The following EIF2S1 variants were observed in gnomAD, a reference collection of about 807,000 sequenced individuals.
EIF2S1 encodes the protein eukaryotic translation initiation factor 2 subunit 1.
A neutral mutation model predicts 33.5 loss-of-function variants in EIF2S1; 5 were observed. The observed-to-expected ratio is 0.15, with a 90% CI of 0.08 to 0.31. EIF2S1 has a LOEUF of 0.31. Among genes scored for constraint, EIF2S1 ranks in the 10% least tolerant of loss-of-function variants. EIF2S1 has a pLI of 1.00. For synonymous variants in EIF2S1, 99 were observed against 127.5 expected (o/e 0.78, Z 1.51); for missense variants, 191 against 384.6 (o/e 0.50, Z 4.21).
At position 67,371,810 on chromosome 14, in the gene EIF2S1, C is replaced by T. The variant is rs1378612983; in HGVS notation, c.242-2658C>T. On this transcript the variant is annotated intron_variant, in intron 2 of 7. Transcript: ENST00000256383. ...GCCATCATAACCCTGATAAGAAAAC[C>T]CAACAAAGACATGTTTTTGTAAAAA... is the stretch of plus-strand genomic sequence containing the variant. 3.3e-5 allele frequency among the ~76,000 whole-genome samples: 5 copies of T among 152,194 alleles called. No homozygotes were observed. In the East Asian group the frequency reaches 9.6e-4, roughly 29 times the overall value.
chr14:67,380,819 AT>A (rs1282114702), intron 5 of EIF2S1, 54 bp downstream of exon 5: 1 of 966,410 alleles, frequency 1.0e-6, no homozygotes, highest in Admixed American at 2.8e-5. Flanking sequence ...CAAAAAAGCT[AT>A]TAAATAATGA....
In EIF2S1 at chr14:67,383,519, C is replaced by T. The variant is rs2139823298; in HGVS notation, c.*79C>T. 1.3e-6 allele frequency: 2 copies of T among 1,573,054 alleles called. 1 individual carries two copies. The highest frequency in any genetic ancestry group is 1.7e-6 in the Non-Finnish European group (2 of 1,153,382). ...GTAAATCCTAGACTTGAAAGTTTTCCAGTATTGAAAACTTCAAAGCTGAAT... is the reference window on the plus strand; with the variant it reads ...GTAAATCCTAGACTTGAAAGTTTTCTAGTATTGAAAACTTCAAAGCTGAAT... On this transcript the variant is annotated 3_prime_UTR_variant, in exon 8 of 8. Transcript: ENST00000256383.
rs368858004 is a variant in EIF2S1, at chr14:67,381,413, T to C, written c.581-180T>C. On this transcript the variant is annotated intron_variant, in intron 5 of 7. Coordinates refer to ENST00000256383, the MANE Select transcript of EIF2S1 (RefSeq NM_004094.5). ...TTTAGATAAGTTGCAGTTATTGTTA[T>C]ATTCCATCTTTACCACACTCCTCCT... Among the ~76,000 whole-genome samples, 8 of 152,256 alleles carry C rather than the reference T, an allele frequency of 5.3e-5. No homozygotes were observed. The East Asian group carries it at 1.5e-3, about 29-fold the overall frequency.
Position 67,374,465 on chromosome 14 carries a change from C to T in EIF2S1, c.242-3C>T. 1.9e-6 allele frequency: 3 copies of T among 1,584,178 alleles called. No individual in the cohort carries two copies. The highest frequency in any genetic ancestry group is 1.7e-6 in the Non-Finnish European group (2 of 1,160,928). ...ATGATTTTTTCACAATTTTTTTGTA[C>T]AGGATATATTGATTTGTCAAAAAGA... On this transcript the variant is annotated splice_region_variant and splice_polypyrimidine_tract_variant and intron_variant, in intron 2 of 7. Transcript: ENST00000256383.
chr14:67,367,710 C>G (rs996350326), intron 2 of EIF2S1, among the ~76,000 whole-genome samples: 3 of 151,890 alleles, frequency 2.0e-5, no homozygotes, highest in African/African-American at 4.8e-5. Flanking sequence ...GGTGGTGCAC[C>G]CTGTAGTCCC....
Position 67,384,013 on chromosome 14 carries a change from A to G in EIF2S1, c.*573A>G, listed in dbSNP as rs2085904641. On this transcript the variant is annotated 3_prime_UTR_variant, in exon 8 of 8. Coordinates refer to ENST00000256383, the MANE Select transcript of EIF2S1 (RefSeq NM_004094.5). ...TCCTTTCAAAAGAAGAGTTTTAGAGAAAATAAATTTAACTTTAACCACAGT... is the reference window on the plus strand; with the variant it reads ...TCCTTTCAAAAGAAGAGTTTTAGAGGAAATAAATTTAACTTTAACCACAGT... 6.4e-6 allele frequency: 1 copy of G among 157,378 alleles called. No individual in the cohort carries two copies. The highest frequency in any genetic ancestry group is 1.4e-5 in the Non-Finnish European group (1 of 71,100). The allele number at this position is 157,378 out of a possible 1,614,324, so 9.7% of individuals were successfully genotyped here. A position where few individuals can be genotyped will look rare whatever the true frequency, so the allele number is the denominator to read the frequency against.
In EIF2S1 at chr14:67,385,658, CTTTTTTTTT is replaced by C. The variant is rs780069831; in HGVS notation, c.*2229_*2237del. ...ATATGAATATTCAAACCACTTTTTT[CTTTTTTTTT>C]TTTTTTTTTTGGCAAATGGTGTTAT... On this transcript the variant is annotated 3_prime_UTR_variant, in exon 8 of 8. Transcript: ENST00000256383. The C allele has an allele frequency of 1.9e-5, 2 of 107,648 alleles. No individual in the cohort carries two copies. Among genetic ancestry groups the C allele is most frequent in the Non-Finnish European group, 3.7e-5 (2 of 53,538 alleles). The allele number at this position is 107,648 out of a possible 1,614,324, so 6.7% of individuals were successfully genotyped here. A position where few individuals can be genotyped will look rare whatever the true frequency, so the allele number is the denominator to read the frequency against.
Position 67,385,214 on chromosome 14 carries a change from G to A in EIF2S1, c.*1774G>A, listed in dbSNP as rs950740869. ...CCTTGCTAACCTAAAAGACAGCAGG[G>A]ACAAGATACATATGAGGACAAGGTA... On this transcript the variant is annotated 3_prime_UTR_variant, in exon 8 of 8. Coordinates refer to ENST00000256383, the MANE Select transcript of EIF2S1 (RefSeq NM_004094.5). The A allele has an allele frequency of 1.3e-5, 2 of 152,074 alleles. No individual in the cohort carries two copies. The highest frequency in any genetic ancestry group is 4.8e-5 in the African/African-American group (2 of 41,422). The allele number at this position is 152,074 out of a possible 1,614,324, so 9.4% of individuals were successfully genotyped here. A position where few individuals can be genotyped will look rare whatever the true frequency, so the allele number is the denominator to read the frequency against.
rs138760905 is a variant in EIF2S1 at position 67,367,418 on chromosome 14, A to T, written c.241+2410A>T. 9.0e-3 allele frequency among the ~76,000 whole-genome samples: 1,363 copies of T among 152,184 alleles called. 12 individuals carry two copies. Among genetic ancestry groups the T allele is most frequent in the Non-Finnish European group, 0.016 (1,061 of 68,002 alleles). On this transcript the variant is annotated intron_variant, in intron 2 of 7. Transcript: ENST00000256383. Reference sequence around the variant, plus strand: ...GCTAATTTTTGTATTTTTGGTAGAGACAGGGTTTCACCATGTTGGCCAGAA... The same window carrying T: ...GCTAATTTTTGTATTTTTGGTAGAGTCAGGGTTTCACCATGTTGGCCAGAA...
chr14:67,372,137 T>A (rs1032907532), intron 2 of EIF2S1, among the ~76,000 whole-genome samples: 1 of 152,026 alleles, frequency 6.6e-6, no homozygotes, highest in African/African-American at 2.4e-5. Context: ...AAAAAAAAAA[T>A]TAAAAAATTT....
chr14:67,362,905 C>G (rs894633106), intron 1 of EIF2S1, among the ~76,000 whole-genome samples: 3 of 152,084 alleles, frequency 2.0e-5, no homozygotes, highest in Admixed American at 2.0e-4. Context: ...CTTTACTTAC[C>G]CTTTATGTTG....
chr14:67,376,485 A>G lies in EIF2S1; in HGVS notation c.368A>G (p.Lys123Arg). 2 of 1,614,138 alleles carry G rather than the reference A, an allele frequency of 1.2e-6. No individual in the cohort carries two copies. Among genetic ancestry groups the G allele is most frequent in the African/African-American group, 1.3e-5 (1 of 75,066 alleles). Residue 123 changes from lysine to arginine, a missense_variant, in exon 4 of 8, where the codon AAG becomes AGG. Coordinates refer to ENST00000256383, the MANE Select transcript of EIF2S1 (RefSeq NM_004094.5). ...RHVAEVLEYTKDEQLESLFQR... is the reference protein window; with the variant it reads ...RHVAEVLEYTRDEQLESLFQR... ...GTTGCTGAGGTGTTAGAATACACCA[A>G]GGATGAGCAGCTGGAAAGCCTATTC...
Position 67,374,325 on chromosome 14 carries a change from T to G in EIF2S1, c.242-143T>G, listed in dbSNP as rs371748546. 8.3e-5 allele frequency: 39 copies of G among 467,276 alleles called. No individual in the cohort carries two copies. The East Asian group carries it at 1.1e-3, about 13-fold the overall frequency. The allele number at this position is 467,276 out of a possible 1,614,324, so 28.9% of individuals were successfully genotyped here. A position where few individuals can be genotyped will look rare whatever the true frequency, so the allele number is the denominator to read the frequency against. On this transcript the variant is annotated intron_variant, in intron 2 of 7. Coordinates refer to ENST00000256383, the MANE Select transcript of EIF2S1 (RefSeq NM_004094.5). ...TGAGGGATACTCAGCCTTGTAATAC[T>G]TATGCAGTATTTTGTTGATAGGATT...
intron 2 of EIF2S1, among the ~76,000 whole-genome samples, chr14:67,367,294 G>T (rs1476646149): frequency 6.6e-6 from 1 of 152,136 alleles, no homozygotes. Flanking sequence ...GCAGTGGCAC[G>T]ATCTTGGCTC....
At chr14:67,370,716 A>G (rs1208417244) in intron 2 of EIF2S1, among the ~76,000 whole-genome samples, 1 of 152,182 alleles carries the variant, frequency 6.6e-6, no homozygotes, top group East Asian at 1.9e-4. Context: ...TTATTGTAAA[A>G]AATCTTTTCA....
In EIF2S1 at chr14:67,362,005, CT is replaced by C. The variant is rs201591769; in HGVS notation, c.-2+1561del. 6.9e-4 allele frequency among the ~76,000 whole-genome samples: 97 copies of C among 140,376 alleles called. 1 individual carries two copies. Among genetic ancestry groups the C allele is most frequent in the South Asian group, 3.0e-3 (13 of 4,366 alleles). The allele number at this position is 140,376 out of a possible 152,430, so 92.1% of individuals were successfully genotyped here. On this transcript the variant is annotated intron_variant, in intron 1 of 7. Coordinates refer to ENST00000256383, the MANE Select transcript of EIF2S1 (RefSeq NM_004094.5). ...TATACTTAATTACTTAGGTAAGAGT[CT>C]TTTTTTTTTTTCTTTTTTCTTTTTT... is the stretch of plus-strand genomic sequence containing the variant.
chr14:67,371,054 T>C (rs1159632185), intron 2 of EIF2S1, among the ~76,000 whole-genome samples: 1 of 152,012 alleles, frequency 6.6e-6, no homozygotes. Context: ...GGCCAGATGG[T>C]TAAATTGATG....
At position 67,360,452 on chromosome 14, in the gene EIF2S1, C is replaced by T. The variant is rs918036717; in HGVS notation, c.-6C>T. The T allele has an allele frequency of 1.3e-5, 5 of 380,406 alleles. No individual in the cohort carries two copies. Among genetic ancestry groups the T allele is most frequent in the Non-Finnish European group, 2.3e-5 (5 of 215,240 alleles). 23.6% of individuals were successfully genotyped at this position (380,406 alleles called of 1,614,324 possible). A position where few individuals can be genotyped will look rare whatever the true frequency, so the allele number is the denominator to read the frequency against. On this transcript the variant is annotated 5_prime_UTR_variant, in exon 1 of 8. Transcript: ENST00000256383. Reference sequence around the variant, plus strand: ...TCCAGTGCGGGAATCACACACATACCTCAGGTGACTAATCCCAAGCTCGGT... The same window carrying T: ...TCCAGTGCGGGAATCACACACATACTTCAGGTGACTAATCCCAAGCTCGGT...
At position 67,376,420 on chromosome 14, in the gene EIF2S1, CT is replaced by C; in HGVS notation, c.322-15del. 1 of 1,565,838 alleles carries C rather than the reference CT, an allele frequency of 6.4e-7. No individual in the cohort carries two copies. The highest frequency in any genetic ancestry group is 8.7e-7 in the Non-Finnish European group (1 of 1,153,996). On this transcript the variant is annotated intron_variant, in intron 3 of 7. Transcript: ENST00000256383. Reference sequence around the variant, plus strand: ...AATCTCTTATCTTTGAATTGTTGAGCTTTTCATTTTATTTCTAGGTTTATAG... The same window carrying C: ...AATCTCTTATCTTTGAATTGTTGAGCTTTCATTTTATTTCTAGGTTTATAG...
Sources: gnomAD v4.1 joint callset for allele counts (sites outside exome capture counted in the v4.1 genomes callset) on GRCh38, gnomAD v4.1.1 for gene constraint, MANE v1.5 for transcripts, NCBI Gene and HGNC (gene_info 2026-07-23, HGNC 2026-07-21) for gene names.